NTNG1: variants seen among roughly 807,000 people sequenced by gnomAD.
NTNG1 encodes the protein netrin-G1.
A neutral mutation model predicts 54.0 loss-of-function variants in NTNG1; 16 were observed. That is an observed-to-expected ratio of 0.30 (90% confidence interval 0.20 to 0.45). The LOEUF is 0.45. Ranked by LOEUF, NTNG1 falls within the 20% of genes least tolerant of loss-of-function variation. The probability of loss-of-function intolerance (pLI) is 1.00; values close to 1 mark genes in which losing one functional copy is unlikely to be tolerated. For missense variants in NTNG1, 530 were observed against 678.7 expected, an observed-to-expected ratio of 0.78 and a Z score of 2.43; for synonymous variants, 255 against 263.1, an observed-to-expected ratio of 0.97 and a Z score of 0.30.
At chr1:107,189,558 C>T (rs1054018423) in intron 2 of NTNG1, among the ~76,000 whole-genome samples, 10 of 151,370 alleles carry the variant, frequency 6.6e-5, no homozygotes, top group Admixed American at 4.0e-4. Flanking sequence ...ATATCATTGA[C>T]TCAATTTCTT....
At chr1:107,261,761 T>G (rs1430002136) in intron 2 of NTNG1, among the ~76,000 whole-genome samples, 3 of 151,750 alleles carry the variant, frequency 2.0e-5, no homozygotes, top group Non-Finnish European at 1.5e-5. Flanking sequence ...GAGAATGGCG[T>G]GAACCCGGGA....
chr1:107,432,504 A>G (rs190491878), intron 6 of NTNG1, among the ~76,000 whole-genome samples: 21 of 152,342 alleles, frequency 1.4e-4, no homozygotes, highest in Admixed American at 1.1e-3. Flanking sequence ...GTTTATGAAC[A>G]GAAGTTCAAT....
At chr1:107,370,914 T>C (rs1177907556) in intron 3 of NTNG1, among the ~76,000 whole-genome samples, 1 of 152,152 alleles carries the variant, frequency 6.6e-6, no homozygotes, top group Non-Finnish European at 1.5e-5. Context: ...GAAATACAAT[T>C]GATTTTTGTA....
At chr1:107,177,657 G>A (rs1002992816) in intron 2 of NTNG1, among the ~76,000 whole-genome samples, 2 of 152,098 alleles carry the variant, frequency 1.3e-5, no homozygotes, top group African/African-American at 4.8e-5. Context: ...TTAAAGAACT[G>A]TTGCTGATTT....
At chr1:107,469,113 A>AC (rs1412385250) in intron 7 of NTNG1, among the ~76,000 whole-genome samples, 2 of 151,850 alleles carry the variant, frequency 1.3e-5, no homozygotes, top group South Asian at 2.1e-4. Flanking sequence ...AAAAAAAAAA[A>AC]AACAACGAAA....
intron 2 of NTNG1, among the ~76,000 whole-genome samples, chr1:107,155,841 T>C (rs1654951980): frequency 6.6e-6 from 1 of 152,160 alleles, no homozygotes; most frequent in Admixed American, 6.5e-5. Flanking sequence ...ACTACAGAGG[T>C]CTCATGAGAT....
intron 3 of NTNG1, among the ~76,000 whole-genome samples, chr1:107,382,114 T>A (rs1471444561): frequency 6.6e-6 from 1 of 151,792 alleles, no homozygotes; most frequent in Non-Finnish European, 1.5e-5. Context: ...TGCTGGAAGT[T>A]GGGAATTGCT....
chr1:107,359,622 C>A (rs1670144093), intron 3 of NTNG1, among the ~76,000 whole-genome samples: 1 of 152,116 alleles, frequency 6.6e-6, no homozygotes, highest in South Asian at 2.1e-4. Flanking sequence ...GCTCCCCCAC[C>A]CCCAACACAT....
intron 3 of NTNG1, among the ~76,000 whole-genome samples, chr1:107,325,542 A>G (rs923271620): frequency 6.6e-6 from 1 of 152,138 alleles, no homozygotes; most frequent in Non-Finnish European, 1.5e-5. Flanking sequence ...TTAATCACAA[A>G]TGGACAGAGT....
intron 2 of NTNG1, among the ~76,000 whole-genome samples, chr1:107,321,406 C>G (rs1667654899): frequency 6.6e-6 from 1 of 152,096 alleles, no homozygotes; most frequent in African/African-American, 2.4e-5. Flanking sequence ...TTGCCCTGAG[C>G]TGGCTGATCC....
chr1:107,346,884 TAAAAAAAA>T (rs537482440), intron 3 of NTNG1, among the ~76,000 whole-genome samples: 17 of 97,140 alleles, frequency 1.8e-4, no homozygotes, highest in African/African-American at 5.1e-4. Flanking sequence ...TTTTCTATCC[TAAAAAAAA>T]AAAAAAAAAA....
intron 3 of NTNG1, among the ~76,000 whole-genome samples, chr1:107,342,577 GT>G (rs1668965123): frequency 6.6e-6 from 1 of 152,106 alleles, no homozygotes; most frequent in Non-Finnish European, 1.5e-5. Flanking sequence ...ATGCTGGAGA[GT>G]TTGTTAAAAA....
chr1:107,266,076 C>T (rs990139574), intron 2 of NTNG1, among the ~76,000 whole-genome samples: 3 of 152,118 alleles, frequency 2.0e-5, no homozygotes, highest in Non-Finnish European at 4.4e-5. Flanking sequence ...TTTTTAATTG[C>T]TTATCTTCTT....
At chr1:107,343,630 C>T (rs918511502) in intron 3 of NTNG1, among the ~76,000 whole-genome samples, 5 of 151,982 alleles carry the variant, frequency 3.3e-5, no homozygotes, top group African/African-American at 4.8e-5. Flanking sequence ...GCCCAGCAGA[C>T]GCTCTATCCC....
chr1:107,418,423 T>C (rs540540046), intron 5 of NTNG1, among the ~76,000 whole-genome samples: 14 of 152,170 alleles, frequency 9.2e-5, no homozygotes, highest in Non-Finnish European at 4.4e-5. Flanking sequence ...AATTGCTTGC[T>C]CTTGTTTGAT....
At chr1:107,252,254 A>G (rs1662654649) in intron 2 of NTNG1, among the ~76,000 whole-genome samples, 1 of 152,186 alleles carries the variant, frequency 6.6e-6, no homozygotes, top group African/African-American at 2.4e-5. Flanking sequence ...CTGTAGCCCC[A>G]TGATGCATTG....
At chr1:107,479,340 C>T (rs1324029049) in intron 7 of NTNG1, among the ~76,000 whole-genome samples, 1 of 152,206 alleles carries the variant, frequency 6.6e-6, no homozygotes, top group Non-Finnish European at 1.5e-5. Flanking sequence ...GACAAGGCAA[C>T]ATTCTCTATT....
intron 3 of NTNG1, among the ~76,000 whole-genome samples, chr1:107,355,183 T>C (rs1399783156): frequency 6.6e-6 from 1 of 152,088 alleles, no homozygotes; most frequent in Non-Finnish European, 1.5e-5. Context: ...TTTCTCTTTA[T>C]TTCTTAAGGC....
chr1:107,164,229 T>G (rs189226936), intron 2 of NTNG1, among the ~76,000 whole-genome samples: 13 of 152,326 alleles, frequency 8.5e-5, no homozygotes, highest in Admixed American at 7.2e-4. Flanking sequence ...CCTCCACCTC[T>G]AGCTTGGTTG....
Sources: allele counts gnomAD v4.1 joint callset (sites outside exome capture counted in the v4.1 genomes callset), GRCh38; gene constraint gnomAD v4.1.1; transcripts MANE v1.5; gene names NCBI Gene and HGNC (gene_info 2026-07-23, HGNC 2026-07-21).